RALGAPA1: variants seen among roughly 807,000 people sequenced by gnomAD.
RALGAPA1 encodes Ral GTPase activating protein catalytic subunit alpha 1, also known as ral GTPase-activating protein subunit alpha-1.
A neutral mutation model predicts 269.6 loss-of-function variants in RALGAPA1; 52 were observed. The observed-to-expected ratio is 0.19, with a 90% CI of 0.15 to 0.24. The LOEUF is 0.24. RALGAPA1 is among the 10% of genes least tolerant of loss of function. RALGAPA1 has a pLI of 1.00. For synonymous variants in RALGAPA1, 817 were observed against 1,008.3 expected (o/e 0.81, Z 3.60); for missense variants, 1,917 against 3,013.9 (o/e 0.64, Z 8.52).
intron 16 of RALGAPA1, among the ~76,000 whole-genome samples, chr14:35,705,259 T>C (rs2067704435): frequency 6.6e-6 from 1 of 152,200 alleles, no homozygotes; most frequent in Admixed American, 6.5e-5. Context: ...ATATATACCA[T>C]TACAAGTATC....
intron 1 of RALGAPA1, among the ~76,000 whole-genome samples, chr14:35,794,248 TC>T (rs1452191613): frequency 6.6e-6 from 1 of 151,942 alleles, no homozygotes; most frequent in East Asian, 1.9e-4. Flanking sequence ...GTCGAGGCGG[TC>T]AGATAACTTG....
chr14:35,702,894 C>T (rs2067486281), intron 16 of RALGAPA1, among the ~76,000 whole-genome samples: 1 of 151,708 alleles, frequency 6.6e-6, no homozygotes, highest in South Asian at 2.1e-4. Context: ...CGCCTGCTAC[C>T]ACGCCAGGCT....
At chr14:35,616,774 A>G (rs570777758) in intron 35 of RALGAPA1, among the ~76,000 whole-genome samples, 1 of 152,352 alleles carries the variant, frequency 6.6e-6, no homozygotes, top group South Asian at 2.1e-4. Context: ...AAAGAACTTT[A>G]GACTTGATGG....
At chr14:35,807,997 A>C (rs1466523832) in intron 1 of RALGAPA1, 1 of 152,244 alleles carries the variant, frequency 6.6e-6, no homozygotes, top group East Asian at 1.9e-4. Flanking sequence ...GTATTATTAC[A>C]GCCTTTATCA....
chr14:35,750,360 T>C, intron 9 of RALGAPA1, 122 bp downstream of exon 9: 1 of 542,420 alleles, frequency 1.8e-6, no homozygotes, highest in South Asian at 3.8e-5. Flanking sequence ...ACAAAATATA[T>C]TTATACAAAT....
intron 1 of RALGAPA1, among the ~76,000 whole-genome samples, chr14:35,792,423 T>C (rs987610363): frequency 3.3e-5 from 5 of 151,664 alleles, no homozygotes; most frequent in Non-Finnish European, 5.9e-5. Context: ...TCTCAAAGTG[T>C]TGGGATTATA....
intron 35 of RALGAPA1, among the ~76,000 whole-genome samples, chr14:35,618,133 T>C (rs1309635925): frequency 6.6e-6 from 1 of 152,176 alleles, no homozygotes; most frequent in Non-Finnish European, 1.5e-5. Flanking sequence ...ATAATATTCA[T>C]GTTATGAAGC....
At chr14:35,672,209 A>G (rs1254435471) in intron 25 of RALGAPA1, among the ~76,000 whole-genome samples, 1 of 152,174 alleles carries the variant, frequency 6.6e-6, no homozygotes, top group Admixed American at 6.5e-5. Context: ...TTTCAGAAAG[A>G]TATTATCTTT....
intron 16 of RALGAPA1, among the ~76,000 whole-genome samples, chr14:35,701,952 G>C (rs1410130008): frequency 6.6e-6 from 1 of 152,136 alleles, no homozygotes; most frequent in Non-Finnish European, 1.5e-5. Context: ...GCCAGTCCCT[G>C]AGAGGTTTTT....
At chr14:35,787,178 G>C (rs1035857006) in intron 1 of RALGAPA1, among the ~76,000 whole-genome samples, 2 of 152,138 alleles carry the variant, frequency 1.3e-5, no homozygotes, top group African/African-American at 4.8e-5. Flanking sequence ...GCAAAGCACT[G>C]TATCTATTTA....
intron 39 of RALGAPA1, among the ~76,000 whole-genome samples, chr14:35,551,969 A>C (rs2055055499): frequency 6.6e-6 from 1 of 152,186 alleles, no homozygotes; most frequent in Admixed American, 6.6e-5. Flanking sequence ...TTAAATGAAA[A>C]AACTACAGTG....
chr14:35,791,774 C>T (rs1226064673), intron 1 of RALGAPA1, among the ~76,000 whole-genome samples: 2 of 151,326 alleles, frequency 1.3e-5, no homozygotes, highest in African/African-American at 2.4e-5. Context: ...GGCGTGGTGG[C>T]GGGCGCCTGT....
intron 4 of RALGAPA1, among the ~76,000 whole-genome samples, chr14:35,765,072 C>G (rs1355908529): frequency 6.6e-6 from 1 of 152,118 alleles, no homozygotes; most frequent in Admixed American, 6.6e-5. Flanking sequence ...AAGTGTAGTA[C>G]TATTTCGGGA....
In RALGAPA1 at chr14:35,808,972, G is replaced by A. The variant is rs1253929803; in HGVS notation, c.-137C>T. On this transcript the variant is annotated 5_prime_UTR_variant, in exon 1 of 42. Transcript: ENST00000680220. ...CTCCCCAGCCTTGCGGGCCAGGGCA[G>A]AGCCGACTCCTTCCCGATCCAGGCC... is the stretch of plus-strand genomic sequence containing the variant. 8 of 1,436,630 alleles carry A rather than the reference G, an allele frequency of 5.6e-6. No homozygotes were observed. In the African/African-American group the frequency reaches 7.2e-5, roughly 13 times the overall value. The allele number at this position is 1,436,630 out of a possible 1,614,324, so 89.0% of individuals were successfully genotyped here. A position where few individuals can be genotyped will look rare whatever the true frequency, so the allele number is the denominator to read the frequency against.
chr14:35,697,870 GA>G (rs1036565449), intron 17 of RALGAPA1, among the ~76,000 whole-genome samples: 7 of 151,804 alleles, frequency 4.6e-5, no homozygotes, highest in African/African-American at 1.7e-4. Flanking sequence ...AATTCTAAGA[GA>G]AAAAAATGAT....
At chr14:35,790,229 G>T (rs900814147) in intron 1 of RALGAPA1, among the ~76,000 whole-genome samples, 1 of 152,050 alleles carries the variant, frequency 6.6e-6, no homozygotes, top group Middle Eastern at 3.2e-3. Flanking sequence ...CTCCAGCCTG[G>T]ACGACAGAGT....
chr14:35,697,211 C>A (rs1319855873), intron 17 of RALGAPA1, among the ~76,000 whole-genome samples: 2 of 152,178 alleles, frequency 1.3e-5, no homozygotes, highest in African/African-American at 4.8e-5. Flanking sequence ...GAAGATTAAT[C>A]CTGCTTAATT....
intron 38 of RALGAPA1, among the ~76,000 whole-genome samples, chr14:35,571,390 T>TA (rs2057177281): frequency 2.2e-5 from 3 of 136,530 alleles, no homozygotes; most frequent in Non-Finnish European, 1.5e-5. Flanking sequence ...TTTTTTTTTT[T>TA]TAATTCTTTA....
At chr14:35,653,248 A>G (rs1482638872) in intron 30 of RALGAPA1, among the ~76,000 whole-genome samples, 1 of 152,232 alleles carries the variant, frequency 6.6e-6, no homozygotes, top group Non-Finnish European at 1.5e-5. Context: ...CTAAGAATTA[A>G]ATGAGATATC....
Sources: allele counts gnomAD v4.1 joint callset (sites outside exome capture counted in the v4.1 genomes callset), GRCh38; gene constraint gnomAD v4.1.1; transcripts MANE v1.5; gene names NCBI Gene and HGNC (gene_info 2026-07-23, HGNC 2026-07-21).